The following TTC23 variants were observed in gnomAD, a reference collection of about 807,000 sequenced individuals.
TTC23 encodes tetratricopeptide repeat protein 23.
TTC23 carries 58 observed loss-of-function variants against 55.1 expected under a neutral mutation model. That is an observed-to-expected ratio of 1.05 (90% CI 0.85 to 1.31). The LOEUF is 1.31. Among genes scored for constraint, TTC23 ranks in the 50% most tolerant of loss-of-function variants. The probability of loss-of-function intolerance (pLI) is 0.00; values close to 1 mark genes in which losing one functional copy is unlikely to be tolerated. For missense variants in TTC23, 516 were observed against 534.4 expected (o/e 0.97, Z 0.34); for synonymous variants, 203 against 199.9 (o/e 1.02, Z -0.13).
At chr15:99,232,740 A>G in intron 4 of TTC23, among the ~76,000 whole-genome samples, 1 of 152,224 alleles carries the variant, frequency 6.6e-6, no homozygotes, top group East Asian at 1.9e-4. Context: ...AAGTTTCTCA[A>G]AAATTAAAAA....
At chr15:99,177,676 A>G (rs2073722357) in intron 9 of TTC23, among the ~76,000 whole-genome samples, 1 of 152,256 alleles carries the variant, frequency 6.6e-6, no homozygotes, top group Non-Finnish European at 1.5e-5. Context: ...AAAGACATAT[A>G]GTATTTTAGA....
At chr15:99,208,255 T>C (rs1435504358) in intron 8 of TTC23, among the ~76,000 whole-genome samples, 1 of 152,110 alleles carries the variant, frequency 6.6e-6, no homozygotes, top group Non-Finnish European at 1.5e-5. Flanking sequence ...AAATTTTATA[T>C]ATATATACAC....
At chr15:99,145,165 C>T (rs1372358931) in intron 12 of TTC23, 2 of 152,210 alleles carry the variant, frequency 1.3e-5, no homozygotes, top group East Asian at 1.9e-4. Flanking sequence ...ATACCAGCCT[C>T]ATCCTGGCTG....
At chr15:99,212,296 G>A (rs1052700840) in intron 8 of TTC23, among the ~76,000 whole-genome samples, 10 of 151,430 alleles carry the variant, frequency 6.6e-5, no homozygotes, top group Non-Finnish European at 1.5e-4. Context: ...GTGTGTGCAT[G>A]CATGTGCAAT....
intron 8 of TTC23, among the ~76,000 whole-genome samples, chr15:99,203,100 G>GA (rs1304340979): frequency 1.3e-5 from 2 of 152,092 alleles, no homozygotes; most frequent in African/African-American, 4.8e-5. Context: ...TAAGAGTTTG[G>GA]AAAGTCCAAA....
rs1233251840 is a variant in TTC23, at chr15:99,200,086, C to T, written c.592G>A (p.Gly198Ser). 6.3e-7 allele frequency: 1 copy of T among 1,590,044 alleles called. No individual in the cohort carries two copies. The highest frequency in any genetic ancestry group is 8.5e-7 in the Non-Finnish European group (1 of 1,171,040). The change falls in exon 9 of 14, where the codon GGT becomes AGT. Residue 198 changes from glycine (G) to serine (S), a missense_variant. Physicochemically the swap from Gly to Ser is moderately conservative, Grantham distance 56. Transcript: ENST00000394132. ...AAAGCTTCTTTTGACTTCTTCTGAC[C>T]TTGATACACCCTAAAAAAATCAAAG... ...IRLSFAQVYQ[G>S]QKKSKEALSH...
chr15:99,234,024 AC>A (rs773866143), intron 4 of TTC23, among the ~76,000 whole-genome samples: 4 of 152,242 alleles, frequency 2.6e-5, no homozygotes, highest in Admixed American at 6.5e-5. Flanking sequence ...CATATTATAT[AC>A]AAAAATTAAC....
At chr15:99,198,454 A>G (rs1407450919) in intron 9 of TTC23, among the ~76,000 whole-genome samples, 3 of 152,020 alleles carry the variant, frequency 2.0e-5, no homozygotes, top group South Asian at 2.1e-4. Context: ...CATCTCCACT[A>G]TCTTCATCCT....
At chr15:99,181,205 G>A (rs1322438106) in intron 9 of TTC23, among the ~76,000 whole-genome samples, 1 of 152,208 alleles carries the variant, frequency 6.6e-6, no homozygotes, top group African/African-American at 2.4e-5. Flanking sequence ...CTTGGTTATT[G>A]AGAGGGTAGA....
rs923208677 is a variant in TTC23, at chr15:99,200,017, C to T, written c.661G>A (p.Gly221Ser). 2 of 1,613,988 alleles carry T rather than the reference C, an allele frequency of 1.2e-6. No homozygotes were observed. Among genetic ancestry groups the T allele is most frequent in the African/African-American group, 2.7e-5 (2 of 74,876 alleles). The change falls in exon 9 of 14, where the codon GGT becomes AGT. Residue 221 changes from glycine to serine, a missense_variant. By Grantham distance (56) the Gly-to-Ser change is moderately conservative (BLOSUM62 0). Transcript: ENST00000394132. ...AALEYVEISK[G>S]ETSRECVPIL... ...GGTACACACTCACGACTTGTTTCACCTTTACTGATCTCAACATATTCCAAA... is the reference window on the plus strand; with the variant it reads ...GGTACACACTCACGACTTGTTTCACTTTTACTGATCTCAACATATTCCAAA...
intron 8 of TTC23, among the ~76,000 whole-genome samples, chr15:99,208,256 A>G (rs2076777555): frequency 6.6e-6 from 1 of 152,158 alleles, no homozygotes; most frequent in East Asian, 1.9e-4. Context: ...AATTTTATAT[A>G]TATATACACA....
intron 8 of TTC23, among the ~76,000 whole-genome samples, chr15:99,207,863 G>A (rs1325165603): frequency 6.6e-6 from 1 of 152,186 alleles, no homozygotes; most frequent in Non-Finnish European, 1.5e-5. Context: ...TACACACCCT[G>A]CTGGTGGACA....
chr15:99,229,037 A>T, intron 4 of TTC23, among the ~76,000 whole-genome samples: 3 of 98,732 alleles, frequency 3.0e-5, no homozygotes, highest in African/African-American at 1.1e-4. Flanking sequence ...ACATACGTAA[A>T]GTCCAGTAGA....
At chr15:99,174,768 G>A (rs571332209) in intron 10 of TTC23, among the ~76,000 whole-genome samples, 30 of 149,918 alleles carry the variant, frequency 2.0e-4, no homozygotes, top group Non-Finnish European at 3.4e-4. Context: ...TTTACCGTAA[G>A]CCCAGTACAG....
chr15:99,139,255 T>C (rs781959295), intron 13 of TTC23, 62 bp downstream of exon 13: 1 of 1,586,364 alleles, frequency 6.3e-7, no homozygotes, highest in Non-Finnish European at 8.5e-7. Context: ...GAACCAGCTT[T>C]CTCTTGAGAT....
intron 9 of TTC23, among the ~76,000 whole-genome samples, chr15:99,197,243 C>T (rs896571239): frequency 6.6e-6 from 1 of 152,112 alleles, no homozygotes; most frequent in Admixed American, 6.5e-5. Context: ...GCTGGGACTA[C>T]AGGCGCCCGC....
chr15:99,242,865 CT>C (rs1180219941), intron 2 of TTC23, among the ~76,000 whole-genome samples: 232 of 152,238 alleles, frequency 1.5e-3, no homozygotes, highest in African/African-American at 5.5e-3. Flanking sequence ...GGATTAAAGA[CT>C]TAAATATAAG....
At chr15:99,190,376 G>A (rs979892446) in intron 9 of TTC23, among the ~76,000 whole-genome samples, 3 of 151,264 alleles carry the variant, frequency 2.0e-5, no homozygotes, top group Admixed American at 6.6e-5. Context: ...GGGTTCAAGC[G>A]ATTCTCCTGC....
At chr15:99,212,457 T>G in intron 8 of TTC23, among the ~76,000 whole-genome samples, 1 of 152,302 alleles carries the variant, frequency 6.6e-6, no homozygotes, top group Non-Finnish European at 1.5e-5. Context: ...ACTGTGCACA[T>G]AAGAATACAT....
Sources: gnomAD v4.1 joint callset for allele counts (sites outside exome capture counted in the v4.1 genomes callset) on GRCh38, gnomAD v4.1.1 for gene constraint, MANE v1.5 for transcripts, NCBI Gene and HGNC (gene_info 2026-07-23, HGNC 2026-07-21) for gene names.